PRR5L: variants seen among roughly 807,000 people sequenced by gnomAD.
PRR5L encodes proline rich 5 like.
In PRR5L, 21 loss-of-function variants were observed where a neutral mutation model predicts 36.4. The ratio of observed to expected loss-of-function variants is 0.58; its 90% confidence interval spans 0.41 to 0.83. The LOEUF (loss-of-function observed/expected upper bound fraction) is 0.83, where lower values mean the gene tolerates loss of function less well. Among genes scored for constraint, PRR5L ranks in the 40% least tolerant of loss-of-function variants. PRR5L has a pLI of 0.00. For missense variants in PRR5L, 381 were observed against 473.3 expected, an observed-to-expected ratio of 0.80 and a Z score of 1.81; for synonymous variants, 188 against 197.0, an observed-to-expected ratio of 0.95 and a Z score of 0.38.
chr11:36,438,085 G>A (rs1858642539), intron 6 of PRR5L, among the ~76,000 whole-genome samples: 1 of 152,178 alleles, frequency 6.6e-6, no homozygotes, highest in South Asian at 2.1e-4. Context: ...AAATGTGAAT[G>A]ACACCTCTAG....
chr11:36,456,816 G>C, intron 8 of PRR5L, among the ~76,000 whole-genome samples: 1 of 152,250 alleles, frequency 6.6e-6, no homozygotes, highest in South Asian at 2.1e-4. Context: ...TACATGCATG[G>C]AGGTACACAA....
intron 1 of PRR5L, among the ~76,000 whole-genome samples, chr11:36,346,506 C>A (rs373071246): frequency 6.6e-5 from 10 of 151,998 alleles, no homozygotes; most frequent in African/African-American, 2.2e-4. Context: ...TGGCGTGAAC[C>A]CGGGAGGCGG....
At chr11:36,437,619 A>G (rs1238010499) in intron 6 of PRR5L, 143 bp downstream of exon 6, 5 of 572,506 alleles carry the variant, frequency 8.7e-6, no homozygotes, top group Non-Finnish European at 1.5e-5. Context: ...GAGATTGTTT[A>G]AGGGCTCTCT....
intron 1 of PRR5L, among the ~76,000 whole-genome samples, chr11:36,378,387 C>T (rs1857314069): frequency 6.6e-6 from 1 of 152,124 alleles, no homozygotes; most frequent in African/African-American, 2.4e-5. Context: ...AGCATGTAGC[C>T]TTTCAGATAA....
At chr11:36,337,702 C>T (rs1006835345) in intron 1 of PRR5L, among the ~76,000 whole-genome samples, 1 of 152,188 alleles carries the variant, frequency 6.6e-6, no homozygotes, top group African/African-American at 2.4e-5. Flanking sequence ...CGCATGGTAT[C>T]CTCCACACCA....
At chr11:36,416,021 T>G (rs1032985560) in intron 3 of PRR5L, among the ~76,000 whole-genome samples, 7 of 152,266 alleles carry the variant, frequency 4.6e-5, no homozygotes, top group Admixed American at 4.6e-4. Context: ...GTTTCTTTGC[T>G]TACTATGACT....
At chr11:36,392,240 C>A (rs1385455895) in intron 1 of PRR5L, among the ~76,000 whole-genome samples, 1 of 152,176 alleles carries the variant, frequency 6.6e-6, no homozygotes. Context: ...AGATTGCATA[C>A]AGATTTTGGC....
At chr11:36,298,744 C>G (rs981560359) in intron 1 of PRR5L, among the ~76,000 whole-genome samples, 9 of 152,168 alleles carry the variant, frequency 5.9e-5, no homozygotes, top group Non-Finnish European at 1.3e-4. Context: ...TTAATTTTCT[C>G]CCAGTTCTGG....
At chr11:36,410,852 G>A (rs1056005217) in intron 3 of PRR5L, among the ~76,000 whole-genome samples, 3 of 152,154 alleles carry the variant, frequency 2.0e-5, no homozygotes, top group East Asian at 1.9e-4. Flanking sequence ...TGATTTCAGA[G>A]CATTCAGCAG....
At chr11:36,408,743 A>G (rs1009782807) in intron 3 of PRR5L, among the ~76,000 whole-genome samples, 3 of 152,202 alleles carry the variant, frequency 2.0e-5, no homozygotes. Context: ...CTCCCTAAAC[A>G]GTCTTTTCTG....
At position 36,401,125 on chromosome 11, in the gene PRR5L, AC is replaced by A; in HGVS notation, c.7del (p.Arg3AlafsTer25). 4 of 1,614,020 alleles carry A rather than the reference AC, an allele frequency of 2.5e-6. No individual in the cohort carries two copies. Among genetic ancestry groups the A allele is most frequent in the Non-Finnish European group, 3.4e-6 (4 of 1,179,974 alleles). On this transcript the variant is annotated frameshift_variant, in exon 2 of 9. Transcript: ENST00000530639. LOFTEE classifies it high-confidence loss of function. ...AGCTGAACTGTCACCAGGACTTATG[AC>A]CCGCGGCTTCGCTCCCATTCTGCCC... MTRGFAPILPVE... is the reference protein window; with the variant it reads MXRGFAPILPVE...
intron 1 of PRR5L, among the ~76,000 whole-genome samples, chr11:36,369,736 A>T (rs1857179403): frequency 6.6e-6 from 1 of 152,138 alleles, no homozygotes; most frequent in African/African-American, 2.4e-5. Flanking sequence ...CTGGGACTAC[A>T]GGCTCCTGCC....
intron 1 of PRR5L, among the ~76,000 whole-genome samples, chr11:36,391,790 A>G (rs1213183505): frequency 6.6e-6 from 1 of 152,246 alleles, no homozygotes; most frequent in African/African-American, 2.4e-5. Context: ...TAAATGGGGT[A>G]TCCATCACTT....
At chr11:36,368,313 G>A (rs1454656693) in intron 1 of PRR5L, among the ~76,000 whole-genome samples, 2 of 151,994 alleles carry the variant, frequency 1.3e-5, no homozygotes, top group African/African-American at 4.8e-5. Flanking sequence ...TAGTCTAATG[G>A]CTTGATGGGG....
At chr11:36,376,854 G>C in intron 1 of PRR5L, 1 of 454,640 alleles carries the variant, frequency 2.2e-6, no homozygotes, top group Non-Finnish European at 2.9e-6. Context: ...GTTTGGGGGG[G>C]CAACCAGGTG....
intron 3 of PRR5L, among the ~76,000 whole-genome samples, chr11:36,418,107 C>A (rs1858185178): frequency 6.6e-6 from 1 of 152,202 alleles, no homozygotes; most frequent in Non-Finnish European, 1.5e-5. Flanking sequence ...TATTAACGTG[C>A]TATCTATCCA....
At chr11:36,452,926 A>G (rs1342410389) in intron 8 of PRR5L, among the ~76,000 whole-genome samples, 1 of 152,268 alleles carries the variant, frequency 6.6e-6, no homozygotes, top group Non-Finnish European at 1.5e-5. Context: ...GGGAGTCAGT[A>G]GTTCTTAAAT....
intron 1 of PRR5L, among the ~76,000 whole-genome samples, chr11:36,395,792 G>T (rs575006400): frequency 6.6e-6 from 1 of 152,258 alleles, no homozygotes; most frequent in South Asian, 2.1e-4. Context: ...CATGATCACA[G>T]CTCACTGTAA....
At chr11:36,347,241 T>C in intron 1 of PRR5L, among the ~76,000 whole-genome samples, 1 of 152,182 alleles carries the variant, frequency 6.6e-6, no homozygotes, top group East Asian at 1.9e-4. Context: ...AATTTCTTTT[T>C]CACGTTCCTA....
Sources: gnomAD v4.1 joint callset for allele counts (sites outside exome capture counted in the v4.1 genomes callset) on GRCh38, gnomAD v4.1.1 for gene constraint, MANE v1.5 for transcripts, NCBI Gene and HGNC (gene_info 2026-07-23, HGNC 2026-07-21) for gene names.